CCDC141: variants seen among roughly 807,000 people sequenced by gnomAD.
CCDC141 encodes coiled-coil domain containing 141, also known as coiled-coil domain-containing protein 141.
Under a neutral mutation model 181.0 loss-of-function variants are expected in CCDC141, and 168 were observed. That is an observed-to-expected ratio of 0.93 (90% CI 0.82 to 1.05). The LOEUF (loss-of-function observed/expected upper bound fraction) is 1.05, where lower values mean the gene tolerates loss of function less well. Among genes scored for constraint, CCDC141 ranks in the 50% least tolerant of loss-of-function variants. The pLI is 0.00. For synonymous variants in CCDC141, 666 were observed against 642.3 expected (o/e 1.04, Z -0.56); for missense variants, 1,902 against 1,788.5 (o/e 1.06, Z -1.14).
chr2:178,995,026 C>T (rs1028518769), intron 2 of CCDC141, among the ~76,000 whole-genome samples: 1 of 152,130 alleles, frequency 6.6e-6, no homozygotes, highest in Non-Finnish European at 1.5e-5. Context: ...CCAAACTGTC[C>T]CACATTTTCC....
chr2:179,015,964 A>T (rs1169243978), intron 2 of CCDC141, among the ~76,000 whole-genome samples: 4 of 145,640 alleles, frequency 2.7e-5, no homozygotes, highest in African/African-American at 9.9e-5. Flanking sequence ...CATATATATC[A>T]TATATATATC....
intron 6 of CCDC141, among the ~76,000 whole-genome samples, chr2:178,930,771 A>G (rs946912684): frequency 1.3e-5 from 2 of 152,124 alleles, no homozygotes; most frequent in African/African-American, 4.8e-5. Flanking sequence ...TAATGAAGTT[A>G]GACCCTTACC....
At chr2:178,991,177 C>G (rs1285511589) in intron 2 of CCDC141, among the ~76,000 whole-genome samples, 6 of 152,150 alleles carry the variant, frequency 3.9e-5, no homozygotes, top group Non-Finnish European at 7.3e-5. Flanking sequence ...TGAAATTTAT[C>G]AAACAGCAAT....
At chr2:179,045,858 C>G (rs540298911) in intron 2 of CCDC141, among the ~76,000 whole-genome samples, 2 of 152,150 alleles carry the variant, frequency 1.3e-5, no homozygotes, top group Admixed American at 6.5e-5. Context: ...AAAAGACTTA[C>G]CAATAACTAG....
At chr2:178,907,353 T>C (rs1195461007) in intron 7 of CCDC141, among the ~76,000 whole-genome samples, 1 of 152,198 alleles carries the variant, frequency 6.6e-6, no homozygotes. Context: ...TATACCCAAT[T>C]TCCTGACTCT....
Position 178,850,045 on chromosome 2 carries a change from T to A in CCDC141, c.3357+4A>T. The A allele has an allele frequency of 6.8e-7, 1 of 1,469,514 alleles. No homozygotes were observed. The highest frequency in any genetic ancestry group is 9.4e-7 in the Non-Finnish European group (1 of 1,062,172). 91.0% of individuals were successfully genotyped at this position (1,469,514 alleles called of 1,614,324 possible). Reference sequence around the variant, plus strand: ...AAATACATATTCTAGGAAGAAGAAATTACCTTCAGTTTTTCTTCGAGCTCT... The same window carrying A: ...AAATACATATTCTAGGAAGAAGAAAATACCTTCAGTTTTTCTTCGAGCTCT... On this transcript the variant is annotated splice_donor_region_variant and intron_variant, in intron 21 of 23. Coordinates refer to ENST00000443758, the MANE Select transcript of CCDC141 (RefSeq NM_173648.4).
chr2:178,965,014 T>C (rs1690564946), intron 4 of CCDC141, among the ~76,000 whole-genome samples: 1 of 152,218 alleles, frequency 6.6e-6, no homozygotes, highest in Non-Finnish European at 1.5e-5. Flanking sequence ...GCCACAATTA[T>C]TAAGTATAAA....
At chr2:178,844,600 C>G (rs1394316045) in intron 22 of CCDC141, among the ~76,000 whole-genome samples, 1 of 152,172 alleles carries the variant, frequency 6.6e-6, no homozygotes, top group East Asian at 1.9e-4. Context: ...AGACAGTTTG[C>G]TTAACACTAC....
intron 2 of CCDC141, among the ~76,000 whole-genome samples, chr2:179,044,604 C>G (rs987370416): frequency 1.2e-4 from 18 of 152,124 alleles, no homozygotes; most frequent in Non-Finnish European, 2.4e-4. Flanking sequence ...CCACCACTAC[C>G]CACAATTTAT....
chr2:178,969,293 C>A (rs987229314), intron 4 of CCDC141, among the ~76,000 whole-genome samples: 1 of 151,874 alleles, frequency 6.6e-6, no homozygotes, highest in Non-Finnish European at 1.5e-5. Flanking sequence ...GGCAGAGACA[C>A]AACAAAAAAG....
intron 21 of CCDC141, among the ~76,000 whole-genome samples, chr2:178,846,951 A>G (rs1175616403): frequency 9.2e-5 from 14 of 152,218 alleles, no homozygotes; most frequent in Admixed American, 8.5e-4. Context: ...TTGAAAAGAG[A>G]GCCATAGCAT....
At position 179,031,908 on chromosome 2, in the gene CCDC141, C is replaced by A. The variant is rs1458793409; in HGVS notation, c.225+15376G>T. The stretch of plus-strand genomic sequence containing the variant: ...GGGTTTTGAGTTGGCTGTTAAAGTG[C>A]AAAACATGTCTTATGAAACTGAATT... On this transcript the variant is annotated intron_variant, in intron 2 of 23. Transcript: ENST00000443758. 1.3e-4 allele frequency among the ~76,000 whole-genome samples: 19 copies of A among 151,956 alleles called. 1 individual carries two copies. The highest frequency in any genetic ancestry group is 1.2e-3 in the Admixed American group (19 of 15,244).
rs539851011 is a variant in CCDC141, at chr2:178,913,902, T to G, written c.1092+4811A>C. Among the ~76,000 whole-genome samples, 3 of 152,336 alleles carry G rather than the reference T, an allele frequency of 2.0e-5. No individual in the cohort carries two copies. The East Asian group carries it at 5.8e-4, about 29-fold the overall frequency. ...ATAGGACACGATACATTATGACCAA[T>G]CAGTCATGTTTTACAGTTTTGGGTT... On this transcript the variant is annotated intron_variant, in intron 7 of 23. Coordinates refer to ENST00000443758, the MANE Select transcript of CCDC141 (RefSeq NM_173648.4).
At chr2:179,038,651 A>G (rs1303396947) in intron 2 of CCDC141, among the ~76,000 whole-genome samples, 2 of 152,186 alleles carry the variant, frequency 1.3e-5, no homozygotes, top group Non-Finnish European at 1.5e-5. Flanking sequence ...CTACTAATAT[A>G]TTCTATTTAT....
rs112605023 is a variant in CCDC141 at position 178,930,415 on chromosome 2, C to T, written c.898-11508G>A. On this transcript the variant is annotated intron_variant, in intron 6 of 23. Coordinates refer to ENST00000443758, the MANE Select transcript of CCDC141 (RefSeq NM_173648.4). ...TGTAGGGATACAATGCAATCCCTAT[C>T]AGAATCTCACTGGCCTTTTTTGAAG... Among the ~76,000 whole-genome samples, 15 of 152,216 alleles carry T rather than the reference C, an allele frequency of 9.9e-5. 2 individuals are homozygous for T. Among genetic ancestry groups the T allele is most frequent in the African/African-American group, 3.4e-4 (14 of 41,558 alleles).
intron 17 of CCDC141, among the ~76,000 whole-genome samples, chr2:178,864,320 A>G (rs935032953): frequency 5.9e-5 from 9 of 152,216 alleles, no homozygotes; most frequent in Non-Finnish European, 1.0e-4. Context: ...TTCCATAACC[A>G]TGAATCCACA....
chr2:178,999,901 C>T (rs949571364), intron 2 of CCDC141, among the ~76,000 whole-genome samples: 1 of 152,118 alleles, frequency 6.6e-6, no homozygotes, highest in African/African-American at 2.4e-5. Context: ...CTTTAAAGCA[C>T]TTTCCACCAT....
chr2:178,907,836 A>G (rs1198544872), intron 7 of CCDC141, among the ~76,000 whole-genome samples: 1 of 151,932 alleles, frequency 6.6e-6, no homozygotes, highest in Non-Finnish European at 1.5e-5. Context: ...TCTACTAAAA[A>G]TTAAAAAAAA....
At chr2:178,842,984 G>C (rs1053450292) in intron 22 of CCDC141, among the ~76,000 whole-genome samples, 26 of 152,100 alleles carry the variant, frequency 1.7e-4, no homozygotes, top group Admixed American at 1.4e-3. Context: ...TGTGTGTTGA[G>C]GGTAGAGGGG....
Sources: allele counts gnomAD v4.1 joint callset (sites outside exome capture counted in the v4.1 genomes callset), GRCh38; gene constraint gnomAD v4.1.1; transcripts MANE v1.5; gene names NCBI Gene and HGNC (gene_info 2026-07-23, HGNC 2026-07-21).